The following PRKCZ variants were observed in gnomAD, a reference collection of about 807,000 sequenced individuals.
PRKCZ encodes the protein protein kinase C zeta, also known as protein kinase C zeta type.
In PRKCZ, 33 loss-of-function variants were observed where a neutral mutation model predicts 79.5. The observed-to-expected ratio is 0.41, with a 90% CI of 0.31 to 0.55. PRKCZ has a LOEUF of 0.55. PRKCZ is among the 20% of genes least tolerant of loss of function. The pLI is 0.19. For missense variants in PRKCZ, 578 were observed against 813.5 expected (o/e 0.71, Z 3.52); for synonymous variants, 342 against 320.9 (o/e 1.07, Z -0.70).
chr1:2,050,638 G>C lies in PRKCZ; in HGVS notation c.8G>C (p.Ser3Thr). The change falls in exon 1 of 18, where the codon AGC becomes ACC. Residue 3 changes from serine (S) to threonine (T), a missense_variant. Physicochemically the swap from Ser to Thr is moderately conservative, Grantham distance 58. This residue lies in a region of PRKCZ where 228 missense variants were observed against 211.6 expected (regional missense o/e 1.08). Coordinates refer to ENST00000378567, the MANE Select transcript of PRKCZ (RefSeq NM_002744.6). MP[S>T]RTGPKMEGSG... ...CGGCGGGGGGAGCGCGCCATGCCCA[G>C]CAGGACCGGCCCCAAGATGGAAGGG... 5.7e-6 allele frequency: 7 copies of C among 1,225,864 alleles called. No homozygotes were observed. The highest frequency in any genetic ancestry group is 7.1e-6 in the Non-Finnish European group (7 of 983,994). The allele number at this position is 1,225,864 out of a possible 1,614,324, so 75.9% of individuals were successfully genotyped here. A position where few individuals can be genotyped will look rare whatever the true frequency, so the allele number is the denominator to read the frequency against.
intron 10 of PRKCZ, among the ~76,000 whole-genome samples, chr1:2,163,474 G>A (rs1252304516): frequency 1.3e-5 from 2 of 152,224 alleles, no homozygotes; most frequent in Non-Finnish European, 2.9e-5. Context: ...CCAGCCACTG[G>A]GAGAAGGTTC....
rs980561605 is a variant in PRKCZ at position 2,135,008 on chromosome 1, G to A, written c.335-254G>A. On this transcript the variant is annotated intron_variant, in intron 4 of 17. Transcript: ENST00000378567. ...GGCCGTCCCGTGGTGGATCCTGTCC[G>A]CCCTGCGAGGACACCTGGCTCCATC... 12 of 345,824 alleles carry A rather than the reference G, an allele frequency of 3.5e-5. No homozygotes were observed. The East Asian group carries it at 3.7e-4, about 11-fold the overall frequency. The allele number at this position is 345,824 out of a possible 1,614,324, so 21.4% of individuals were successfully genotyped here.
At chr1:2,159,252 G>T (rs1432330758) in intron 10 of PRKCZ, among the ~76,000 whole-genome samples, 1 of 152,264 alleles carries the variant, frequency 6.6e-6, no homozygotes, top group Non-Finnish European at 1.5e-5. Flanking sequence ...CATCGGCAAG[G>T]CGGCCACGCG....
chr1:2,083,580 A>G (rs2102411079), intron 4 of PRKCZ, among the ~76,000 whole-genome samples: 1 of 152,282 alleles, frequency 6.6e-6, no homozygotes, highest in Middle Eastern at 3.4e-3. Flanking sequence ...CATCTGGTTG[A>G]GCAGAACACG....
intron 4 of PRKCZ, among the ~76,000 whole-genome samples, chr1:2,108,380 C>T (rs1020635419): frequency 6.6e-6 from 1 of 152,234 alleles, no homozygotes; most frequent in Non-Finnish European, 1.5e-5. Flanking sequence ...CTCCGTGGCT[C>T]CTGGAGGCCA....
At chr1:2,092,933 T>C (rs769494466) in intron 4 of PRKCZ, among the ~76,000 whole-genome samples, 2 of 152,156 alleles carry the variant, frequency 1.3e-5, no homozygotes, top group Non-Finnish European at 2.9e-5. Flanking sequence ...GCCTTCAGCA[T>C]AGAGGGCCCC....
In PRKCZ at chr1:2,174,921, C is replaced by A; in HGVS notation, c.1485+88C>A. 1 of 1,352,620 alleles carries A rather than the reference C, an allele frequency of 7.4e-7. No homozygotes were observed. Among genetic ancestry groups the A allele is most frequent in the Non-Finnish European group, 1.1e-6 (1 of 950,450 alleles). The allele number at this position is 1,352,620 out of a possible 1,614,324, so 83.8% of individuals were successfully genotyped here. A position where few individuals can be genotyped will look rare whatever the true frequency, so the allele number is the denominator to read the frequency against. On this transcript the variant is annotated intron_variant, in intron 15 of 17. Coordinates refer to ENST00000378567, the MANE Select transcript of PRKCZ (RefSeq NM_002744.6). This position sits in a 1 kb window ranked among gnomAD's most constrained non-coding sequence, Gnocchi z 6.2. ...CAGGCACGGCTGTTGGCCATTTTTT[C>A]ATGTCGGCTGCTGTGTATCGGGTGT...
At chr1:2,167,398 G>A (rs779718763) in intron 10 of PRKCZ, among the ~76,000 whole-genome samples, 28 of 152,030 alleles carry the variant, frequency 1.8e-4, no homozygotes, top group South Asian at 6.2e-4. Context: ...CTTTGTCCCC[G>A]TCCTATGGGC....
chr1:2,161,869 C>T (rs1156909905), intron 10 of PRKCZ, among the ~76,000 whole-genome samples: 2 of 152,024 alleles, frequency 1.3e-5, no homozygotes, highest in East Asian at 3.9e-4. Flanking sequence ...GTTGAAGGAA[C>T]TTTCAGGACC....
At chr1:2,060,477 CAGTGCTT>C (rs1660572389) in intron 4 of PRKCZ, among the ~76,000 whole-genome samples, 3 of 109,734 alleles carry the variant, frequency 2.7e-5, no homozygotes, top group Non-Finnish European at 6.4e-5. Flanking sequence ...AGAGGTTTGG[CAGTGCTT>C]AGCATAGGGG....
chr1:2,131,878 C>T (rs1046172675), intron 4 of PRKCZ, among the ~76,000 whole-genome samples: 9 of 152,222 alleles, frequency 5.9e-5, no homozygotes, highest in African/African-American at 1.7e-4. Context: ...GTGGCGCGAT[C>T]GCGGCTCACT....
At chr1:2,150,499 G>A (rs1679672556) in intron 8 of PRKCZ, among the ~76,000 whole-genome samples, 1 of 152,198 alleles carries the variant, frequency 6.6e-6, no homozygotes, top group Admixed American at 6.5e-5. Flanking sequence ...GAGGGCCTGG[G>A]GGTCCCTCCC....
At position 2,059,506 on chromosome 1, in the gene PRKCZ, G is replaced by A. The variant is rs747421450; in HGVS notation, c.284-35G>A. ...TGAGACTGTTGAGTGGCAGCCGCAG[G>A]GTCTTGACGCTGTCTCTTTCTCTCT... On this transcript the variant is annotated intron_variant, in intron 3 of 17. Coordinates refer to ENST00000378567, the MANE Select transcript of PRKCZ (RefSeq NM_002744.6). The A allele has an allele frequency of 5.6e-6, 9 of 1,612,878 alleles. No homozygotes were observed. The Admixed American group carries it at 8.3e-5, about 15-fold the overall frequency.
intron 10 of PRKCZ, among the ~76,000 whole-genome samples, chr1:2,164,389 C>T (rs757841973): frequency 3.5e-4 from 54 of 152,182 alleles, no homozygotes; most frequent in Admixed American, 5.2e-4. Flanking sequence ...GCCTGAGCTC[C>T]GTGGGGCCAC....
chr1:2,071,353 G>A (rs961539558), intron 4 of PRKCZ: 6 of 466,800 alleles, frequency 1.3e-5, no homozygotes, highest in African/African-American at 9.9e-5. Flanking sequence ...GGCCCCGGCG[G>A]CGTCTGAGAG....
In PRKCZ at chr1:2,146,878, G is replaced by A. The variant is rs79531525; in HGVS notation, c.634+770G>A. 1.8e-3 allele frequency among the ~76,000 whole-genome samples: 269 copies of A among 152,030 alleles called. 6 individuals are homozygous for A. The East Asian group carries it at 0.046, about 26-fold the overall frequency. On this transcript the variant is annotated intron_variant, in intron 7 of 17. Coordinates refer to ENST00000378567, the MANE Select transcript of PRKCZ (RefSeq NM_002744.6). ...CTATCCTCTATACAGATATTCATCC[G>A]TACATCATCCATTCACCCACCTAGC...
chr1:2,132,094 A>G (rs1571688552), intron 4 of PRKCZ, among the ~76,000 whole-genome samples: 1 of 152,144 alleles, frequency 6.6e-6, no homozygotes, highest in Non-Finnish European at 1.5e-5. Context: ...TACAGGCGGG[A>G]GCCACCGTGC....
At chr1:2,058,752 C>T (rs558309889) in intron 3 of PRKCZ, among the ~76,000 whole-genome samples, 22 of 151,222 alleles carry the variant, frequency 1.5e-4, no homozygotes, top group Non-Finnish European at 2.1e-4. Flanking sequence ...AAAAATTAGC[C>T]GGGCGTGGTG....
At chr1:2,121,549 TAGTTA>T (rs1203492226) in intron 4 of PRKCZ, among the ~76,000 whole-genome samples, 1,916 of 135,628 alleles carry the variant, frequency 0.014, 118 homozygotes, top group Non-Finnish European at 0.019. Flanking sequence ...GTTATATCAG[TAGTTA>T]GGGCTATGGC....
Sources: allele counts gnomAD v4.1 joint callset (sites outside exome capture counted in the v4.1 genomes callset), GRCh38; gene constraint gnomAD v4.1.1; regional missense constraint gnomAD v4.1.1; non-coding constraint Gnocchi (gnomAD v3.1); transcripts MANE v1.5; gene names NCBI Gene and HGNC (gene_info 2026-07-23, HGNC 2026-07-21).